Variants in HEATR1 observed in about 807,000 individuals in gnomAD.
The protein encoded by HEATR1 is HEAT repeat-containing protein 1.
A neutral mutation model predicts 248.2 loss-of-function variants in HEATR1; 77 were observed. That is an observed-to-expected ratio of 0.31 (90% confidence interval 0.26 to 0.37). The LOEUF is 0.37. Ranked by LOEUF, HEATR1 falls within the 10% of genes least tolerant of loss-of-function variation. The pLI, the probability that HEATR1 is intolerant of heterozygous loss-of-function variation, is 1.00. For synonymous variants in HEATR1, 897 were observed against 923.1 expected (o/e 0.97, Z 0.51); for missense variants, 2,420 against 2,504.9 (o/e 0.97, Z 0.72).
intron 43 of HEATR1, chr1:236,552,627 T>G (rs1415739549): frequency 6.6e-6 from 1 of 152,214 alleles, no homozygotes; most frequent in Non-Finnish European, 1.5e-5. Context: ...AATATCCTAG[T>G]TTTGGGGCTT....
At position 236,586,335 on chromosome 1, in the gene HEATR1, A is replaced by G. The variant is rs1558188978; in HGVS notation, c.1833T>C (p.Asn611=). The change falls in exon 15 of 45, where the codon AAT becomes AAC. Residue 611 remains asparagine, a synonymous_variant. Coordinates refer to ENST00000366582, the MANE Select transcript of HEATR1 (RefSeq NM_018072.6). ...VCLLPFMVIN[N]DDTESAEMKI... ...TCATCTCAGCAGATTCCGTATCATC[A>G]TTATTGATAACCATAAATGGCAGCA... 5 of 1,613,298 alleles carry G rather than the reference A, an allele frequency of 3.1e-6. No individual in the cohort carries two copies. The highest frequency in any genetic ancestry group is 4.2e-6 in the Non-Finnish European group (5 of 1,179,320).
chr1:236,595,524 A>G lies in HEATR1; in HGVS notation c.1090+16T>C, dbSNP rs1664153851. 2 of 1,590,576 alleles carry G rather than the reference A, an allele frequency of 1.3e-6. No homozygotes were observed. The highest frequency in any genetic ancestry group is 1.8e-5 in the Admixed American group (1 of 54,928). ...ATCTTAGAAAATTTCTGGACAAAAA[A>G]TATAAAACCACACACCTGTAACATG... On this transcript the variant is annotated intron_variant, in intron 8 of 44. Coordinates refer to ENST00000366582, the MANE Select transcript of HEATR1 (RefSeq NM_018072.6).
intron 18 of HEATR1, 62 bp downstream of exon 18, chr1:236,582,951 T>C (rs1000738462): frequency 1.1e-5 from 18 of 1,604,366 alleles, no homozygotes; most frequent in Non-Finnish European, 1.5e-5. Flanking sequence ...ACAGTCATTG[T>C]GGAGTCAATC....
chr1:236,555,951 A>G lies in HEATR1; in HGVS notation c.5515-12T>C, dbSNP rs1275996939. ...GGACCCATGTGATTCTACCAATAAC[A>G]CAGGAAAGAGATGTGCCATTTTCAA... On this transcript the variant is annotated splice_polypyrimidine_tract_variant and intron_variant, in intron 38 of 44. Coordinates refer to ENST00000366582, the MANE Select transcript of HEATR1 (RefSeq NM_018072.6). The G allele has an allele frequency of 6.2e-7, 1 of 1,613,410 alleles. No homozygotes were observed. The highest frequency in any genetic ancestry group is 1.3e-5 in the African/African-American group (1 of 74,938).
intron 8 of HEATR1, among the ~76,000 whole-genome samples, chr1:236,595,017 G>A (rs1664134918): frequency 6.6e-6 from 1 of 151,922 alleles, no homozygotes; most frequent in African/African-American, 2.4e-5. Context: ...GCCCATCTCA[G>A]TTTCTCAAAG....
chr1:236,597,427 A>G (rs982817538), intron 5 of HEATR1, among the ~76,000 whole-genome samples: 1 of 151,866 alleles, frequency 6.6e-6, no homozygotes, highest in Non-Finnish European at 1.5e-5. Flanking sequence ...TTATTTTCGT[A>G]TTTTTAGTAG....
intron 31 of HEATR1, 53 bp downstream of exon 31, chr1:236,565,866 G>T: frequency 6.4e-7 from 1 of 1,553,998 alleles, no homozygotes. Flanking sequence ...ATTCTCTTCT[G>T]TTTCTCTTTA....
intron 20 of HEATR1, 101 bp from the exon 21 acceptor site, chr1:236,577,050 G>T: frequency 1.2e-6 from 1 of 829,714 alleles, no homozygotes. Flanking sequence ...GTTTCCCTTC[G>T]AATTCAAACT....
chr1:236,572,649 C>T, intron 25 of HEATR1, 76 bp downstream of exon 25: 1 of 1,594,956 alleles, frequency 6.3e-7, no homozygotes, highest in Non-Finnish European at 8.6e-7. Context: ...TGATGAGTAT[C>T]AAAAAGTTCC....
At chr1:236,600,079 G>C (rs1256696512) in intron 3 of HEATR1, among the ~76,000 whole-genome samples, 2 of 141,210 alleles carry the variant, frequency 1.4e-5, no homozygotes, top group Non-Finnish European at 3.0e-5. Flanking sequence ...TCTGTGTAGA[G>C]ACTAGGTCTC....
rs1662596525 is a variant in HEATR1 at position 236,549,183 on chromosome 1, A to C, written c.*1719T>G. 2.5e-6 allele frequency: 1 copy of C among 392,952 alleles called. No individual in the cohort carries two copies. Among genetic ancestry groups the C allele is most frequent in the Non-Finnish European group, 4.5e-6 (1 of 222,930 alleles). 24.3% of individuals were successfully genotyped at this position (392,952 alleles called of 1,614,324 possible). On this transcript the variant is annotated 3_prime_UTR_variant, in exon 45 of 45. Transcript: ENST00000366582. ...ACCAATCAAGGCCTCCGTTCTTCTA[A>C]AGATTAGTCCATCATCATTAGCAAC...
Position 236,582,814 on chromosome 1 carries a change from C to G in HEATR1, c.2484G>C (p.Leu828Phe). Residue 828 changes from leucine (L) to phenylalanine (F), a missense_variant, in exon 19 of 45, where the codon TTG becomes TTC. By Grantham distance (22) the Leu-to-Phe change is conservative. Transcript: ENST00000366582. ...GCATCATCTCAAACAGCCCAATGAGCAAGTGCAGATAGTCCCTGCTGTCTT... is the reference window on the plus strand; with the variant it reads ...GCATCATCTCAAACAGCCCAATGAGGAAGTGCAGATAGTCCCTGCTGTCTT... ...LKEDSRDYLHLLIGLFEMMLN... is the reference protein window; with the variant it reads ...LKEDSRDYLHFLIGLFEMMLN... 6.2e-7 allele frequency: 1 copy of G among 1,613,946 alleles called. No individual in the cohort carries two copies. Among genetic ancestry groups the G allele is most frequent in the Non-Finnish European group, 8.5e-7 (1 of 1,179,826 alleles).
Position 236,549,472 on chromosome 1 carries a change from C to T in HEATR1, c.*1430G>A, listed in dbSNP as rs558382752. ...CCAGGATTTAGGAATATTTTCAGAA[C>T]AGATTTTAGATATTATTTCTATCCA... On this transcript the variant is annotated 3_prime_UTR_variant, in exon 45 of 45. Coordinates refer to ENST00000366582, the MANE Select transcript of HEATR1 (RefSeq NM_018072.6). The T allele has an allele frequency of 4.6e-5, 7 of 153,192 alleles. No individual in the cohort carries two copies. Among genetic ancestry groups the T allele is most frequent in the Admixed American group, 1.3e-4 (2 of 15,332 alleles). The allele number at this position is 153,192 out of a possible 1,614,324, so 9.5% of individuals were successfully genotyped here.
At position 236,599,512 on chromosome 1, in the gene HEATR1, G is replaced by A; in HGVS notation, c.472C>T (p.His158Tyr). 2 of 1,613,636 alleles carry A rather than the reference G, an allele frequency of 1.2e-6. No individual in the cohort carries two copies. The highest frequency in any genetic ancestry group is 1.7e-6 in the Non-Finnish European group (2 of 1,179,758). Residue 158 changes from histidine to tyrosine, a missense_variant, in exon 4 of 45, where the codon CAC becomes TAC. His to Tyr is a moderately conservative substitution (Grantham distance 83). Coordinates refer to ENST00000366582, the MANE Select transcript of HEATR1 (RefSeq NM_018072.6). The stretch of plus-strand genomic sequence containing the variant: ...ACTGGCAACAACCAGAACCATCTGT[G>A]CTTTGAATTATTAATTTTTAGAAGC... ...IQLLKINNSK[H>Y]RWFWLLPVKQ... is the part of the protein sequence containing the mutation.
intron 2 of HEATR1, 134 bp from the exon 3 acceptor site, chr1:236,603,510 A>C: frequency 3.0e-6 from 2 of 669,274 alleles, no homozygotes; most frequent in Non-Finnish European, 5.0e-6. Context: ...ATACAGTCCC[A>C]AACACTGATT....
chr1:236,573,866 T>A (rs1350372708), intron 24 of HEATR1: 3 of 163,686 alleles, frequency 1.8e-5, no homozygotes, highest in African/African-American at 4.8e-5. Context: ...AGTAGAATAA[T>A]GTTACCCAGT....
intron 3 of HEATR1, among the ~76,000 whole-genome samples, chr1:236,601,566 G>C (rs1028879288): frequency 2.0e-5 from 3 of 152,158 alleles, no homozygotes; most frequent in African/African-American, 7.2e-5. Context: ...ACTTTGGGAG[G>C]CCGACTCGGC....
At chr1:236,558,203 T>C (rs974664712) in intron 36 of HEATR1, 34 bp downstream of exon 36, 3 of 1,579,056 alleles carry the variant, frequency 1.9e-6, no homozygotes, top group African/African-American at 2.7e-5. Context: ...TGCCAGGCGG[T>C]AACAGCTCCT....
intron 19 of HEATR1, 82 bp downstream of exon 19, chr1:236,582,654 C>T (rs546062582): frequency 1.1e-4 from 161 of 1,439,878 alleles, no homozygotes; most frequent in East Asian, 1.1e-3. Context: ...CCGCCTGCCT[C>T]GGCCTCCCAA....
Sources: allele counts gnomAD v4.1 joint callset (sites outside exome capture counted in the v4.1 genomes callset), GRCh38; gene constraint gnomAD v4.1.1; transcripts MANE v1.5; gene names NCBI Gene and HGNC (gene_info 2026-07-23, HGNC 2026-07-21).